The following USP6 variants were observed in gnomAD, a reference collection of about 807,000 sequenced individuals.
USP6 encodes ubiquitin carboxyl-terminal hydrolase 6.
A neutral mutation model predicts 175.7 loss-of-function variants in USP6; 128 were observed. The observed-to-expected ratio is 0.73, with a 90% CI of 0.63 to 0.84. USP6 has a LOEUF of 0.84. USP6 is among the 40% of genes least tolerant of loss of function. The pLI is 0.00. For missense variants in USP6, 1,498 were observed against 1,760.3 expected (o/e 0.85, Z 2.67); for synonymous variants, 562 against 630.6 (o/e 0.89, Z 1.63).
chr17:5,133,482 C>A lies in USP6; in HGVS notation c.316C>A (p.Arg106=). Residue 106 remains arginine, a synonymous_variant, in exon 14 of 38, where the codon CGG becomes AGG. Coordinates refer to ENST00000574788, the MANE Select transcript of USP6 (RefSeq NM_001304284.2). ...RVYKGIPMNI[R]GPVWSVLLNI... ...GTACAAGGGAATTCCCATGAACATCCGGGGCCCGGTGTGGTCAGTCCTCCT... is the reference window on the plus strand; with the variant it reads ...GTACAAGGGAATTCCCATGAACATCAGGGGCCCGGTGTGGTCAGTCCTCCT... 3.7e-6 allele frequency: 6 copies of A among 1,611,740 alleles called. No individual in the cohort carries two copies. Among genetic ancestry groups the A allele is most frequent in the African/African-American group, 1.3e-5 (1 of 74,934 alleles).
At chr17:5,123,872 C>CT (rs909231189) in intron 4 of USP6, among the ~76,000 whole-genome samples, 21 of 151,894 alleles carry the variant, frequency 1.4e-4, no homozygotes, top group African/African-American at 5.1e-4. Flanking sequence ...CGTACACCCC[C>CT]TAATGCATGC....
At chr17:5,122,102 GGAGTGTGGCCAGA>G (rs1420229441) in intron 4 of USP6, among the ~76,000 whole-genome samples, 1 of 151,894 alleles carries the variant, frequency 6.6e-6, no homozygotes, top group East Asian at 1.9e-4. Context: ...GCTGGAGCAG[GGAGTGTGGCCAGA>G]GAAGTCCTGC....
At chr17:5,123,596 A>AC (rs2072781333) in intron 4 of USP6, among the ~76,000 whole-genome samples, 1 of 152,178 alleles carries the variant, frequency 6.6e-6, no homozygotes, top group African/African-American at 2.4e-5. Flanking sequence ...CCGGCCTGGG[A>AC]CCCCGTGTGC....
chr17:5,138,560 C>T (rs1345623772), intron 21 of USP6, among the ~76,000 whole-genome samples: 2 of 152,128 alleles, frequency 1.3e-5, no homozygotes, highest in African/African-American at 4.8e-5. Context: ...TCACAGGGCC[C>T]TCAAAGTTAC....
At chr17:5,136,320 T>G (rs2073252219) in intron 17 of USP6, among the ~76,000 whole-genome samples, 1 of 152,138 alleles carries the variant, frequency 6.6e-6, no homozygotes. Flanking sequence ...CCATCCCGTG[T>G]CCCCTGGCCC....
At chr17:5,151,694 C>A (rs966850490) in intron 30 of USP6, among the ~76,000 whole-genome samples, 46 of 152,114 alleles carry the variant, frequency 3.0e-4, no homozygotes, top group Admixed American at 1.4e-3. Flanking sequence ...AACCAGTTCA[C>A]AAATGTATGA....
chr17:5,137,068 G>A, intron 18 of USP6, 53 bp from the exon 19 acceptor site: 1 of 1,586,390 alleles, frequency 6.3e-7, no homozygotes, highest in Non-Finnish European at 8.7e-7. Flanking sequence ...CTGGAAGATG[G>A]AGGTTTTTAG....
Position 5,173,307 on chromosome 17 carries a change from A to C in USP6, c.*329A>C. ...TGTAGTGAGTATAGAGTTTACCAAT[A>C]ATCATAACAAATATTAAAGATTTCC... On this transcript the variant is annotated 3_prime_UTR_variant, in exon 38 of 38. Transcript: ENST00000574788. 4.1e-6 allele frequency: 1 copy of C among 246,472 alleles called. No homozygotes were observed. The highest frequency in any genetic ancestry group is 1.6e-4 in the South Asian group (1 of 6,250). The allele number at this position is 246,472 out of a possible 1,614,324, so 15.3% of individuals were successfully genotyped here. A position where few individuals can be genotyped will look rare whatever the true frequency, so the allele number is the denominator to read the frequency against.
chr17:5,136,191 C>T (rs2073248150), intron 17 of USP6, among the ~76,000 whole-genome samples: 1 of 152,230 alleles, frequency 6.6e-6, no homozygotes, highest in Non-Finnish European at 1.5e-5. Context: ...TCCTCCGGCT[C>T]TGATTCTGTT....
At chr17:5,148,507 A>G in intron 29 of USP6, 49 bp from the exon 30 acceptor site, 4 of 1,600,538 alleles carry the variant, frequency 2.5e-6, no homozygotes, top group Non-Finnish European at 3.4e-6. Context: ...AAGAGCAAAG[A>G]TGAAAATACC....
intron 2 of USP6, among the ~76,000 whole-genome samples, chr17:5,119,866 G>A (rs1159059963): frequency 1.3e-5 from 2 of 152,102 alleles, no homozygotes; most frequent in African/African-American, 4.8e-5. Context: ...GCTCAGAGAG[G>A]TTAAGGGATT....
rs1063879 is a variant in USP6, at chr17:5,170,707, G to T, written c.3746G>T (p.Arg1249Leu). The part of the protein sequence containing the change: ...LADALSRGHM[R>L]GGSQPELVTP... ...GACGCCTTGAGCCGAGGGCATATGC[G>T]GGGGGGCAGCCAACCAGAGCTGGTC... The change falls in exon 36 of 38, where the codon CGG (arginine) becomes CTG (leucine). Residue 1249 changes from arginine to leucine, a missense_variant. This residue lies in a region of USP6 where 1,217 missense variants were observed against 1,500.8 expected (regional missense o/e 0.81). Coordinates refer to ENST00000574788, the MANE Select transcript of USP6 (RefSeq NM_001304284.2). 7 of 1,613,578 alleles carry T rather than the reference G, an allele frequency of 4.3e-6. No homozygotes were observed. The East Asian group carries it at 6.7e-5, about 15-fold the overall frequency.
At chr17:5,138,540 G>A (rs1003834123) in intron 21 of USP6, among the ~76,000 whole-genome samples, 3 of 151,992 alleles carry the variant, frequency 2.0e-5, no homozygotes, top group Non-Finnish European at 2.9e-5. Context: ...ACGGTGTCTC[G>A]CTCTCTCCCT....
chr17:5,141,918 A>C, intron 23 of USP6, 85 bp from the exon 24 acceptor site: 1 of 1,515,250 alleles, frequency 6.6e-7, no homozygotes, highest in Middle Eastern at 1.8e-4. Context: ...GAGTTATAAA[A>C]AATCTTTTCA....
chr17:5,161,401 G>A (rs2074000880), intron 31 of USP6, 127 bp from the exon 32 acceptor site: 4 of 877,242 alleles, frequency 4.6e-6, no homozygotes, highest in Non-Finnish European at 7.2e-6. Flanking sequence ...GTAACATTGA[G>A]CTGTCAACAT....
At chr17:5,119,255 T>A (rs1315853639) in intron 2 of USP6, among the ~76,000 whole-genome samples, 4 of 152,238 alleles carry the variant, frequency 2.6e-5, no homozygotes, top group Non-Finnish European at 4.4e-5. Context: ...CTTTGATCAT[T>A]TAGGCTCTTT....
rs780833261 is a variant in USP6, at chr17:5,133,981, A to T, written c.479A>T (p.Asp160Val). The T allele has an allele frequency of 2.5e-6, 4 of 1,613,880 alleles. No individual in the cohort carries two copies. The Admixed American group carries it at 5.0e-5, about 20-fold the overall frequency. ...TTLRNHVFFR[D>V]RYGAKQRELF... ...CTCCGGAACCATGTCTTCTTTAGGG[A>T]TCGATATGGAGCCAAGTAAGCCTAC... The change falls in exon 15 of 38, where the codon GAT becomes GTT. Residue 160 changes from aspartate to valine, a missense_variant. By Grantham distance (152) the Asp-to-Val change is radical. Around this residue, in one of 2 missense-constraint regions of USP6, gnomAD observed 281 missense variants for 259.6 expected, o/e 1.08. Transcript: ENST00000574788.
At chr17:5,122,691 T>TGCCCGCGCCTA (rs2072725576) in intron 4 of USP6, among the ~76,000 whole-genome samples, 1 of 152,154 alleles carries the variant, frequency 6.6e-6, no homozygotes, top group Non-Finnish European at 1.5e-5. Flanking sequence ...CAAAAGCAGC[T>TGCCCGCGCCTA]GCCCGCGCCT....
chr17:5,142,903 G>T (rs1420902334), intron 25 of USP6, among the ~76,000 whole-genome samples: 1 of 152,198 alleles, frequency 6.6e-6, no homozygotes, highest in Admixed American at 6.5e-5. Context: ...AGAATACAAA[G>T]AAGTAGGCTG....
Sources: gnomAD v4.1 joint callset for allele counts (sites outside exome capture counted in the v4.1 genomes callset) on GRCh38, gnomAD v4.1.1 for gene constraint, gnomAD v4.1.1 regional missense constraint, MANE v1.5 for transcripts, NCBI Gene and HGNC (gene_info 2026-07-23, HGNC 2026-07-21) for gene names.